The following FN3KRP variants were observed in gnomAD, a reference collection of about 807,000 sequenced individuals.
The protein encoded by FN3KRP is ketosamine-3-kinase.
Under a neutral mutation model 29.8 loss-of-function variants are expected in FN3KRP, and 33 were observed. That is an observed-to-expected ratio of 1.11 (90% CI 0.84 to 1.48). FN3KRP has a LOEUF of 1.48. Ranked by LOEUF, FN3KRP falls within the 40% of genes most tolerant of loss-of-function variation. FN3KRP has a pLI of 0.00. For missense variants in FN3KRP, 430 were observed against 402.6 expected, an observed-to-expected ratio of 1.07 and a Z score of -0.58; for synonymous variants, 157 against 155.2, an observed-to-expected ratio of 1.01 and a Z score of -0.09.
chr17:82,720,462 G>A (rs1027576567), intron 3 of FN3KRP, 99 bp downstream of exon 3: 20 of 879,510 alleles, frequency 2.3e-5, no homozygotes, highest in Non-Finnish European at 3.0e-5. Context: ...TGGGAGGGTC[G>A]GACGTGGGCT....
chr17:82,723,264 C>T (rs955176629), intron 4 of FN3KRP, among the ~76,000 whole-genome samples: 5 of 152,198 alleles, frequency 3.3e-5, no homozygotes, highest in African/African-American at 1.2e-4. Flanking sequence ...ACGCCCAGCA[C>T]ATGTGCAGTG....
intron 4 of FN3KRP, among the ~76,000 whole-genome samples, chr17:82,723,496 A>G (rs1568061248): frequency 1.3e-5 from 2 of 151,644 alleles, no homozygotes; most frequent in African/African-American, 2.4e-5. Context: ...CTGTACTCAC[A>G]GTGTGTGTGT....
intron 3 of FN3KRP, among the ~76,000 whole-genome samples, chr17:82,721,314 C>T (rs2046796808): frequency 6.6e-6 from 1 of 152,040 alleles, no homozygotes; most frequent in Non-Finnish European, 1.5e-5. Flanking sequence ...TCTCAATCTC[C>T]TGACCTCAGG....
intron 3 of FN3KRP, among the ~76,000 whole-genome samples, chr17:82,721,665 G>A (rs573153952): frequency 6.6e-6 from 1 of 151,634 alleles, no homozygotes; most frequent in African/African-American, 2.4e-5. Flanking sequence ...ACCACGCCTG[G>A]CTAATTTTTT....
At chr17:82,725,723 A>G (rs146829346) in intron 4 of FN3KRP, among the ~76,000 whole-genome samples, 20 of 152,334 alleles carry the variant, frequency 1.3e-4, no homozygotes, top group Admixed American at 5.2e-4. Context: ...GATTTATTCT[A>G]CAGGCATATT....
chr17:82,722,925 C>T (rs749970833), intron 4 of FN3KRP, 39 bp downstream of exon 4: 4 of 1,583,736 alleles, frequency 2.5e-6, no homozygotes, highest in South Asian at 1.1e-5. Flanking sequence ...ACAATCAGGT[C>T]AGCTGTTCAG....
rs7207719 is a variant in FN3KRP, at chr17:82,719,095, C to A, written c.293+38C>A. 301 of 1,560,174 alleles carry A rather than the reference C, an allele frequency of 1.9e-4. 1 individual carries two copies. The African/African-American group carries it at 3.1e-3, about 16-fold the overall frequency. On this transcript the variant is annotated intron_variant, in intron 2 of 5. Transcript: ENST00000269373. ...ACCACCCCCCACCTGGCTTTATTAC[C>A]TGAGCAGGTGTGTCTTCACACCTTG... is the stretch of plus-strand genomic sequence containing the variant.
chr17:82,722,746 A>C lies in FN3KRP; in HGVS notation c.386-58A>C, dbSNP rs1322438445. On this transcript the variant is annotated intron_variant, in intron 3 of 5. Coordinates refer to ENST00000269373, the MANE Select transcript of FN3KRP (RefSeq NM_024619.4). ...CGTGTCTGAAGGTGACTCAGTTTCGAGAGTGGGCGCTGGGATCCCTTGGAA... is the reference window on the plus strand; with the variant it reads ...CGTGTCTGAAGGTGACTCAGTTTCGCGAGTGGGCGCTGGGATCCCTTGGAA... The C allele has an allele frequency of 1.9e-6, 3 of 1,559,614 alleles. No homozygotes were observed. In the Admixed American group the frequency reaches 5.1e-5, roughly 26 times the overall value.
intron 3 of FN3KRP, among the ~76,000 whole-genome samples, chr17:82,722,062 G>A (rs959820194): frequency 6.7e-6 from 1 of 148,500 alleles, no homozygotes; most frequent in African/African-American, 2.5e-5. Context: ...TCAAATTCCC[G>A]ACCTCAGGTG....
chr17:82,717,755 T>C (rs981081115), intron 1 of FN3KRP, among the ~76,000 whole-genome samples: 13 of 151,586 alleles, frequency 8.6e-5, no homozygotes, highest in South Asian at 2.1e-4. Context: ...AGCGGTGACA[T>C]GGCAGCTGTG....
Position 82,727,110 on chromosome 17 carries a change from A to G in FN3KRP, c.869A>G (p.Asn290Ser), listed in dbSNP as rs577164776. ...CTCTTTCACTACTTGAACCACTGGA[A>G]TCATTTTGGATCGGGGTACAGAGGA... ...YQLFHYLNHW[N>S]HFGSGYRGSS... Residue 290 changes from asparagine to serine, a missense_variant, in exon 6 of 6, where the codon AAT becomes AGT. Transcript: ENST00000269373. 16 of 1,614,006 alleles carry G rather than the reference A, an allele frequency of 9.9e-6. No homozygotes were observed. The highest frequency in any genetic ancestry group is 1.4e-5 in the Non-Finnish European group (16 of 1,180,040).
chr17:82,721,648 G>A (rs1316418503), intron 3 of FN3KRP, among the ~76,000 whole-genome samples: 2 of 147,990 alleles, frequency 1.4e-5, no homozygotes, highest in Non-Finnish European at 3.0e-5. Context: ...GACTACAGGC[G>A]CCTGCCACCA....
chr17:82,716,945 G>T (rs1243984682), intron 1 of FN3KRP, 49 bp downstream of exon 1: 1 of 1,541,476 alleles, frequency 6.5e-7, no homozygotes, highest in South Asian at 1.2e-5. Context: ...TTTCCGGAGA[G>T]GGTCGCGGGC....
At chr17:82,721,141 G>T (rs2046795603) in intron 3 of FN3KRP, among the ~76,000 whole-genome samples, 1 of 152,122 alleles carries the variant, frequency 6.6e-6, no homozygotes, top group African/African-American at 2.4e-5. Context: ...AGGCTGGAGG[G>T]CAGTGGTGCA....
In FN3KRP at chr17:82,727,481, G is replaced by T; in HGVS notation, c.*310G>T. 1 of 273,234 alleles carries T rather than the reference G, an allele frequency of 3.7e-6. No homozygotes were observed. The highest frequency in any genetic ancestry group is 2.2e-5 in the African/African-American group (1 of 46,298). The allele number at this position is 273,234 out of a possible 1,614,324, so 16.9% of individuals were successfully genotyped here. On this transcript the variant is annotated 3_prime_UTR_variant, in exon 6 of 6. Coordinates refer to ENST00000269373, the MANE Select transcript of FN3KRP (RefSeq NM_024619.4). ...CTGTAAGTGAACCCCTGTGGGTGCG[G>T]GGGAGGGTATCCGGTGCGCAGGGAG...
intron 4 of FN3KRP, among the ~76,000 whole-genome samples, chr17:82,723,658 C>T (rs529576839): frequency 4.6e-4 from 70 of 151,336 alleles, no homozygotes; most frequent in Admixed American, 1.5e-3. Context: ...TGTGTGTACG[C>T]GTGTGCGCGC....
rs372796539 is a variant in FN3KRP, at chr17:82,719,073, A to ACCCCCCG, written c.293+22_293+23insGCCCCCC. The ACCCCCCG allele has an allele frequency of 3.2e-6, 5 of 1,580,006 alleles. No homozygotes were observed. The highest frequency in any genetic ancestry group is 3.5e-6 in the Non-Finnish European group (4 of 1,159,106). ...ATCTGAGCAGGTGCATCTTCACACCACCCCCCACCTGGCTTTATTACCTGA... is the reference window on the plus strand; with the variant it reads ...ATCTGAGCAGGTGCATCTTCACACCACCCCCCGCCCCCCACCTGGCTTTATTACCTGA... On this transcript the variant is annotated intron_variant, in intron 2 of 5. Coordinates refer to ENST00000269373, the MANE Select transcript of FN3KRP (RefSeq NM_024619.4).
chr17:82,721,551 G>A (rs539105327), intron 3 of FN3KRP, among the ~76,000 whole-genome samples: 12 of 152,148 alleles, frequency 7.9e-5, no homozygotes, highest in African/African-American at 2.9e-4. Flanking sequence ...TCCCCAGGCT[G>A]GAGTGCAGTG....
At chr17:82,721,167 G>A (rs1463003700) in intron 3 of FN3KRP, among the ~76,000 whole-genome samples, 1 of 151,812 alleles carries the variant, frequency 6.6e-6, no homozygotes. Flanking sequence ...GGCTCACCGT[G>A]ACCTCTGCCT....
Sources: allele counts gnomAD v4.1 joint callset (sites outside exome capture counted in the v4.1 genomes callset), GRCh38; gene constraint gnomAD v4.1.1; transcripts MANE v1.5; gene names NCBI Gene and HGNC (gene_info 2026-07-23, HGNC 2026-07-21).